NFIA: variants seen among roughly 807,000 people sequenced by gnomAD.
NFIA encodes the protein nuclear factor I A.
NFIA carries 8 observed loss-of-function variants against 62.8 expected under a neutral mutation model. The observed-to-expected ratio is 0.13, with a 90% CI of 0.07 to 0.23. The LOEUF (loss-of-function observed/expected upper bound fraction) is 0.23. Among genes scored for constraint, NFIA ranks in the 10% least tolerant of loss-of-function variants. NFIA has a pLI of 1.00. For synonymous variants in NFIA, 235 were observed against 238.1 expected (o/e 0.99, Z 0.12); for missense variants, 410 against 642.1 (o/e 0.64, Z 3.91).
intron 2 of NFIA, among the ~76,000 whole-genome samples, chr1:61,177,891 A>C (rs1035917448): frequency 5.9e-5 from 9 of 152,168 alleles, no homozygotes; most frequent in African/African-American, 1.9e-4. Context: ...TTGCAAATCA[A>C]CCTTGGGAAG....
At chr1:61,354,581 A>T (rs1662728807) in intron 5 of NFIA, among the ~76,000 whole-genome samples, 1 of 152,210 alleles carries the variant, frequency 6.6e-6, no homozygotes, top group African/African-American at 2.4e-5. Flanking sequence ...TAACTTGCCC[A>T]AAGTCACAGT....
In NFIA at chr1:61,228,660, T is replaced by G. The variant is rs532199824; in HGVS notation, c.560-48860T>G. On this transcript the variant is annotated intron_variant, in intron 2 of 10. Coordinates refer to ENST00000403491, the MANE Select transcript of NFIA (RefSeq NM_001134673.4). ...CATTCATTTTGTTTTTTTCTGGACC[T>G]GGTAGAAATACTGGGCTTTCTGTAT... Among the ~76,000 whole-genome samples, 4 of 152,158 alleles carry G rather than the reference T, an allele frequency of 2.6e-5. No homozygotes were observed. In the South Asian group the frequency reaches 8.3e-4, roughly 32 times the overall value.
At chr1:61,292,340 G>A (rs1189346195) in intron 3 of NFIA, among the ~76,000 whole-genome samples, 2 of 152,134 alleles carry the variant, frequency 1.3e-5, no homozygotes, top group African/African-American at 2.4e-5. Context: ...GAATGAATGG[G>A]TAAATGAATG....
intron 2 of NFIA, among the ~76,000 whole-genome samples, chr1:61,201,635 A>T (rs941519974): frequency 5.3e-5 from 8 of 152,130 alleles, no homozygotes; most frequent in Non-Finnish European, 1.0e-4. Context: ...GTTCAATTAC[A>T]TAAGGATTGT....
intron 9 of NFIA, among the ~76,000 whole-genome samples, chr1:61,416,017 A>T (rs1666332819): frequency 1.3e-5 from 2 of 152,104 alleles, no homozygotes; most frequent in South Asian, 4.1e-4. Flanking sequence ...CTAATCCTTG[A>T]GTTATATTGT....
At chr1:61,428,011 A>AG (rs1311263808) in intron 10 of NFIA, among the ~76,000 whole-genome samples, 126 of 152,276 alleles carry the variant, frequency 8.3e-4, no homozygotes, top group African/African-American at 3.0e-3. Flanking sequence ...GTTCAATGAG[A>AG]GGGGGAAAAC....
In NFIA at chr1:61,088,933, T is replaced by C. The variant is rs565877447; in HGVS notation, c.559+253T>C. Among the ~76,000 whole-genome samples, 34 of 152,382 alleles carry C rather than the reference T, an allele frequency of 2.2e-4. No homozygotes were observed. The highest frequency in any genetic ancestry group is 7.5e-4 in the African/African-American group (31 of 41,584). On this transcript the variant is annotated intron_variant, in intron 2 of 10. Coordinates refer to ENST00000403491, the MANE Select transcript of NFIA (RefSeq NM_001134673.4). This position sits in a 1 kb window ranked among gnomAD's most constrained non-coding sequence, Gnocchi z 4.5. Reference sequence around the variant, plus strand: ...GGCGTTGGTAATCAGATATGTGATATGTTTAAATCACATTTTTTGATGAGG... The same window carrying C: ...GGCGTTGGTAATCAGATATGTGATACGTTTAAATCACATTTTTTGATGAGG...
chr1:61,126,783 T>C (rs865953082), intron 2 of NFIA, among the ~76,000 whole-genome samples: 10,153 of 123,420 alleles, frequency 0.082, 325 homozygotes, highest in East Asian at 0.12. Context: ...ATTCCTTTTT[T>C]TTTTTTTTTT....
Position 61,455,191 on chromosome 1 carries a change from T to C in NFIA, c.1513-112T>C, listed in dbSNP as rs1668243043. The C allele has an allele frequency of 9.7e-6, 10 of 1,030,070 alleles. No homozygotes were observed. In the South Asian group the frequency reaches 1.3e-4, roughly 13 times the overall value. The allele number at this position is 1,030,070 out of a possible 1,614,324, so 63.8% of individuals were successfully genotyped here. A position where few individuals can be genotyped will look rare whatever the true frequency, so the allele number is the denominator to read the frequency against. On this transcript the variant is annotated intron_variant, in intron 10 of 10. Coordinates refer to ENST00000403491, the MANE Select transcript of NFIA (RefSeq NM_001134673.4). ...TCGTGCCTTTACTTTTCCCAGCGAA[T>C]CCCTCCCGCATCCCTAACGTAGATC...
intron 4 of NFIA, among the ~76,000 whole-genome samples, chr1:61,341,060 CTTTTTTTTTT>C (rs35203949): frequency 1.8e-5 from 2 of 108,794 alleles, no homozygotes; most frequent in Admixed American, 1.1e-4. Context: ...TACCGGCATT[CTTTTTTTTTT>C]TTTTTTTTTT....
At chr1:61,119,692 A>G (rs747179067) in intron 2 of NFIA, among the ~76,000 whole-genome samples, 13 of 152,248 alleles carry the variant, frequency 8.5e-5, no homozygotes, top group Admixed American at 2.0e-4. Context: ...GTTACTTATT[A>G]TAACTGAAAA....
At chr1:61,432,595 A>G (rs1373954309) in intron 10 of NFIA, among the ~76,000 whole-genome samples, 38 of 16,756 alleles carry the variant, frequency 2.3e-3, no homozygotes, top group East Asian at 0.012. Flanking sequence ...ATATGTGTGT[A>G]TATATATATA....
intron 2 of NFIA, among the ~76,000 whole-genome samples, chr1:61,158,371 A>G (rs1398811098): frequency 6.6e-6 from 1 of 152,190 alleles, no homozygotes; most frequent in African/African-American, 2.4e-5. Flanking sequence ...ATTAATTTTA[A>G]TAATTGGAAT....
At chr1:61,108,988 A>G (rs4620575) in intron 2 of NFIA, among the ~76,000 whole-genome samples, 22,292 of 151,784 alleles carry the variant, frequency 0.15, 2,107 homozygotes, top group East Asian at 0.45. Flanking sequence ...AAGAATTACC[A>G]TATTTCATAC....
chr1:61,399,487 C>T (rs1665446692), intron 7 of NFIA, among the ~76,000 whole-genome samples: 1 of 152,144 alleles, frequency 6.6e-6, no homozygotes, highest in African/African-American at 2.4e-5. Flanking sequence ...TGAGAATCTG[C>T]AACGGTTCAT....
chr1:61,329,341 C>T (rs952540166), intron 3 of NFIA, among the ~76,000 whole-genome samples: 2 of 151,526 alleles, frequency 1.3e-5, no homozygotes, highest in African/African-American at 2.4e-5. Flanking sequence ...CCACTGCCCC[C>T]GGCCTGAGCC....
At chr1:61,239,833 G>C (rs1655232409) in intron 2 of NFIA, among the ~76,000 whole-genome samples, 1 of 152,050 alleles carries the variant, frequency 6.6e-6, no homozygotes, top group South Asian at 2.1e-4. Flanking sequence ...TAATTGAAAG[G>C]ATTTGGTATA....
chr1:61,198,033 CATAG>C (rs1191694543), intron 2 of NFIA, among the ~76,000 whole-genome samples: 2 of 152,072 alleles, frequency 1.3e-5, no homozygotes, highest in South Asian at 2.1e-4. Context: ...AACGAACAGA[CATAG>C]ATAGTCTATT....
intron 2 of NFIA, among the ~76,000 whole-genome samples, chr1:61,127,206 C>G (rs559179400): frequency 9.9e-4 from 149 of 150,636 alleles, no homozygotes; most frequent in Non-Finnish European, 1.8e-3. Flanking sequence ...GCCTGTAATC[C>G]CAGCACTTTG....
Sources: gnomAD v4.1 joint callset for allele counts (sites outside exome capture counted in the v4.1 genomes callset) on GRCh38, gnomAD v4.1.1 for gene constraint, Gnocchi (gnomAD v3.1) non-coding constraint, MANE v1.5 for transcripts, NCBI Gene and HGNC (gene_info 2026-07-23, HGNC 2026-07-21) for gene names.